The following STARD13 variants were observed in gnomAD, a reference collection of about 807,000 sequenced individuals.
STARD13 encodes stAR-related lipid transfer protein 13.
In STARD13, 62 loss-of-function variants were observed where a neutral mutation model predicts 106.4. That is an observed-to-expected ratio of 0.58 (90% CI 0.48 to 0.72). STARD13 has a LOEUF of 0.72. Ranked by LOEUF, STARD13 falls within the 30% of genes least tolerant of loss-of-function variation. The probability of loss-of-function intolerance (pLI) is 0.00; values close to 1 mark genes in which losing one functional copy is unlikely to be tolerated. For missense variants in STARD13, 1,387 were observed against 1,424.0 expected, an observed-to-expected ratio of 0.97 and a Z score of 0.42; for synonymous variants, 565 against 553.0, an observed-to-expected ratio of 1.02 and a Z score of -0.31.
chr13:33,105,476 A>T lies in STARD13; in HGVS notation c.*117T>A. Reference sequence around the variant, plus strand: ...CCAACTTCTTAACGTTTCCATTTTTAGGCATTAACCGCGTCCTTCAGTTCC... The same window carrying T: ...CCAACTTCTTAACGTTTCCATTTTTTGGCATTAACCGCGTCCTTCAGTTCC... On this transcript the variant is annotated 3_prime_UTR_variant, in exon 14 of 14. Coordinates refer to ENST00000336934, the MANE Select transcript of STARD13 (RefSeq NM_178006.4). 1 of 703,416 alleles carries T rather than the reference A, an allele frequency of 1.4e-6. No homozygotes were observed. Among genetic ancestry groups the T allele is most frequent in the Non-Finnish European group, 2.5e-6 (1 of 402,026 alleles). The allele number at this position is 703,416 out of a possible 1,614,324, so 43.6% of individuals were successfully genotyped here.
chr13:33,232,690 C>G (rs1450459886), intron 1 of STARD13, among the ~76,000 whole-genome samples: 3 of 152,234 alleles, frequency 2.0e-5, no homozygotes, highest in African/African-American at 7.2e-5. Flanking sequence ...TTTGAATAAA[C>G]ATAGAAATTG....
the STARD13 span, among the ~76,000 whole-genome samples, chr13:33,600,923 A>G: frequency 6.6e-6 from 1 of 152,174 alleles, no homozygotes; most frequent in African/African-American, 2.4e-5. Flanking sequence ...CCTACGTACT[A>G]TGGTATGAAA....
At chr13:33,624,915 T>C in the STARD13 span, among the ~76,000 whole-genome samples, 3 of 152,264 alleles carry the variant, frequency 2.0e-5, no homozygotes, top group South Asian at 6.2e-4. Flanking sequence ...TGCCTAAAAG[T>C]GGTACTTCCT....
chr13:33,501,268 A>G, the STARD13 span, among the ~76,000 whole-genome samples: 8 of 152,006 alleles, frequency 5.3e-5, no homozygotes, highest in East Asian at 1.6e-3. Flanking sequence ...TATAAAAATA[A>G]AAATTCACCA....
the STARD13 span, among the ~76,000 whole-genome samples, chr13:33,436,477 T>C: frequency 6.6e-6 from 1 of 152,240 alleles, no homozygotes; most frequent in African/African-American, 2.4e-5. Context: ...AATTTTATAG[T>C]ATGTGTATAT....
In STARD13 at chr13:33,341,637, A is replaced by G. The variant is rs75675038; in HGVS notation, c.124+8653T>C. On this transcript the variant is annotated intron_variant, in intron 1 of 5. Coordinates refer to the STARD13 transcript ENST00000567873. ...AGAAAAAAAGAAATTTCAGCGAACC[A>G]GCTGGGCTTGTGCCTCTTATTCAGA... 6.6e-3 allele frequency among the ~76,000 whole-genome samples: 999 copies of G among 152,058 alleles called. 34 individuals are homozygous for G. The highest frequency in any genetic ancestry group is 0.062 in the South Asian group (296 of 4,808).
At chr13:33,232,004 T>C (rs1473230652) in intron 1 of STARD13, among the ~76,000 whole-genome samples, 2 of 152,230 alleles carry the variant, frequency 1.3e-5, no homozygotes, top group African/African-American at 2.4e-5. Context: ...ATGTAATACT[T>C]GCTTCAATGT....
the STARD13 span, among the ~76,000 whole-genome samples, chr13:33,518,530 T>C: frequency 2.6e-5 from 4 of 152,100 alleles, no homozygotes; most frequent in Non-Finnish European, 2.9e-5. Flanking sequence ...GGAGACCTCA[T>C]TTTTGTTATG....
At chr13:33,491,965 G>A in the STARD13 span, among the ~76,000 whole-genome samples, 408 of 152,322 alleles carry the variant, frequency 2.7e-3, 1 homozygote, top group African/African-American at 9.2e-3. Flanking sequence ...AAGAGAGTCA[G>A]GAAGGGAGAC....
chr13:33,656,836 C>G, the STARD13 span: 1 of 152,268 alleles, frequency 6.6e-6, no homozygotes, highest in Non-Finnish European at 1.5e-5. Context: ...TGTGGCTAGA[C>G]AAACTCTTTC....
chr13:33,138,960 T>C (rs1879449254), intron 4 of STARD13: 1 of 394,110 alleles, frequency 2.5e-6, no homozygotes, highest in Non-Finnish European at 5.1e-6. Flanking sequence ...GAAAGGTGTA[T>C]GGCTAACCAG....
the STARD13 span, among the ~76,000 whole-genome samples, chr13:33,471,945 G>T: frequency 6.6e-6 from 1 of 152,016 alleles, no homozygotes; most frequent in Non-Finnish European, 1.5e-5. Flanking sequence ...TGCAGAGACA[G>T]ATATGGCATC....
chr13:33,647,810 G>A, the STARD13 span, among the ~76,000 whole-genome samples: 90 of 152,122 alleles, frequency 5.9e-4, no homozygotes, highest in African/African-American at 4.8e-4. Flanking sequence ...ATAAGCTGAC[G>A]CTTCTCTTTA....
rs2078044742 is a variant in STARD13, at chr13:33,349,094, AAAG to A, written c.*52_*54del. The A allele has an allele frequency of 5.7e-6, 4 of 701,980 alleles. No individual in the cohort carries two copies. The South Asian group carries it at 5.9e-5, about 10-fold the overall frequency. The allele number at this position is 701,980 out of a possible 1,614,324, so 43.5% of individuals were successfully genotyped here. On this transcript the variant is annotated 3_prime_UTR_variant, in exon 2 of 2. Transcript: ENST00000439831. ...AAGTAAGGAAAAAAGGGAGGAGTTC[AAAG>A]AAGGTTAAATCTCCCGCTTCACCAG...
intron 1 of STARD13, among the ~76,000 whole-genome samples, chr13:33,301,108 T>C (rs1892692688): frequency 6.6e-6 from 1 of 152,244 alleles, no homozygotes; most frequent in Non-Finnish European, 1.5e-5. Context: ...TCCCCTAGCT[T>C]GTACAATCCA....
intron 3 of STARD13, 151 bp from the exon 4 acceptor site, chr13:33,142,524 T>C (rs1199624418): frequency 2.9e-6 from 2 of 678,844 alleles, no homozygotes; most frequent in South Asian, 1.8e-5. Flanking sequence ...AGGTATGCTA[T>C]ATAGTAGTTC....
chr13:33,165,648 A>G (rs1246706125), intron 2 of STARD13, among the ~76,000 whole-genome samples: 1 of 152,206 alleles, frequency 6.6e-6, no homozygotes, highest in Non-Finnish European at 1.5e-5. Flanking sequence ...CTTGGATAGG[A>G]TTGAACACTA....
chr13:33,487,962 C>T, the STARD13 span, among the ~76,000 whole-genome samples: 1 of 152,150 alleles, frequency 6.6e-6, no homozygotes. Context: ...TCTCTCAGTG[C>T]TGGTCTTCCA....
At chr13:33,566,036 G>A in the STARD13 span, among the ~76,000 whole-genome samples, 1 of 148,034 alleles carries the variant, frequency 6.8e-6, no homozygotes, top group African/African-American at 2.5e-5. Flanking sequence ...ATTAAATGAG[G>A]AATTCCAGAA....
Sources: gnomAD v4.1 joint callset for allele counts (sites outside exome capture counted in the v4.1 genomes callset) on GRCh38, gnomAD v4.1.1 for gene constraint, MANE v1.5 for transcripts, NCBI Gene and HGNC (gene_info 2026-07-23, HGNC 2026-07-21) for gene names.